Variants in BABAM2 observed in about 807,000 individuals in gnomAD.
BABAM2 encodes BRISC and BRCA1 A complex member 2, also known as BRISC and BRCA1-A complex member 2.
Under a neutral mutation model 54.7 loss-of-function variants are expected in BABAM2, and 31 were observed. The observed-to-expected ratio is 0.57, with a 90% CI of 0.43 to 0.77. BABAM2 has a LOEUF of 0.77. Ranked by LOEUF, BABAM2 falls within the 30% of genes least tolerant of loss-of-function variation. The probability of loss-of-function intolerance (pLI) is 0.00; values close to 1 mark genes in which losing one functional copy is unlikely to be tolerated. For missense variants in BABAM2, 364 were observed against 455.8 expected, an observed-to-expected ratio of 0.80 and a Z score of 1.83; for synonymous variants, 167 against 162.9, an observed-to-expected ratio of 1.03 and a Z score of -0.19.
At chr2:27,902,951 G>A (rs1428671219) in intron 2 of BABAM2, among the ~76,000 whole-genome samples, 2 of 151,924 alleles carry the variant, frequency 1.3e-5, no homozygotes, top group Non-Finnish European at 2.9e-5. Flanking sequence ...GAGAGAAAGA[G>A]AGTTTTAAGA....
intron 6 of BABAM2, among the ~76,000 whole-genome samples, chr2:28,109,257 T>G (rs1166296443): frequency 1.3e-5 from 2 of 149,972 alleles, no homozygotes; most frequent in African/African-American, 2.5e-5. Flanking sequence ...GATGTGATCT[T>G]GGCTCACCGC....
intron 11 of BABAM2, among the ~76,000 whole-genome samples, chr2:28,303,112 G>A (rs981539535): frequency 1.3e-5 from 2 of 151,818 alleles, no homozygotes; most frequent in Non-Finnish European, 2.9e-5. Flanking sequence ...TCCTCCCGCC[G>A]CAGCCTCCCA....
intron 2 of BABAM2, among the ~76,000 whole-genome samples, chr2:27,900,294 T>C (rs1665678577): frequency 1.3e-5 from 2 of 151,966 alleles, no homozygotes; most frequent in South Asian, 4.1e-4. Context: ...CTTGAAGAGA[T>C]AAGGTCTAAG....
chr2:27,928,985 G>C (rs1667909236), intron 2 of BABAM2, among the ~76,000 whole-genome samples: 1 of 151,142 alleles, frequency 6.6e-6, no homozygotes, highest in Non-Finnish European at 1.5e-5. Flanking sequence ...AGGCTAGGTG[G>C]GAGGAGGATC....
chr2:27,903,814 TAGA>T (rs1665993600), intron 2 of BABAM2, among the ~76,000 whole-genome samples: 2 of 152,242 alleles, frequency 1.3e-5, no homozygotes, highest in African/African-American at 2.4e-5. Context: ...ATTTCATGGA[TAGA>T]AGATTTGTTC....
chr2:27,894,404 C>T, intron 1 of BABAM2, 129 bp from the exon 2 acceptor site: 8 of 911,504 alleles, frequency 8.8e-6, no homozygotes, highest in South Asian at 3.3e-5. Flanking sequence ...GAAGAGGCTG[C>T]GCTAGAGATG....
intron 5 of BABAM2, 99 bp downstream of exon 5, chr2:28,025,519 A>T: frequency 1.7e-6 from 2 of 1,198,770 alleles, no homozygotes; most frequent in Non-Finnish European, 2.3e-6. Context: ...CTTTAGATAA[A>T]CATGGTCCAG....
intron 4 of BABAM2, among the ~76,000 whole-genome samples, chr2:27,997,010 A>C (rs1322658622): frequency 6.6e-6 from 1 of 152,214 alleles, no homozygotes; most frequent in African/African-American, 2.4e-5. Context: ...TTTCAAAGCA[A>C]AAGTACAAAA....
chr2:28,279,160 G>T (rs566445511), intron 10 of BABAM2, among the ~76,000 whole-genome samples: 1 of 152,302 alleles, frequency 6.6e-6, no homozygotes, highest in South Asian at 2.1e-4. Context: ...CTTCCTCTGA[G>T]CAAAGAGGTT....
At chr2:28,145,456 C>T (rs1469666881) in intron 7 of BABAM2, among the ~76,000 whole-genome samples, 3 of 152,212 alleles carry the variant, frequency 2.0e-5, no homozygotes, top group Non-Finnish European at 4.4e-5. Context: ...AAGGAAAATA[C>T]ACTGTAGCAG....
At chr2:27,983,277 C>G (rs183349131) in intron 3 of BABAM2, among the ~76,000 whole-genome samples, 1 of 152,108 alleles carries the variant, frequency 6.6e-6, no homozygotes, top group East Asian at 1.9e-4. Flanking sequence ...AATCAGTAGG[C>G]CATAAATTTG....
At chr2:27,893,191 T>A (rs1203276155) in intron 1 of BABAM2, among the ~76,000 whole-genome samples, 2 of 152,212 alleles carry the variant, frequency 1.3e-5, no homozygotes, top group African/African-American at 2.4e-5. Context: ...ATCATTTGAA[T>A]CGACTTTTTC....
At chr2:28,026,822 T>C (rs1442093406) in intron 5 of BABAM2, among the ~76,000 whole-genome samples, 5 of 77,180 alleles carry the variant, frequency 6.5e-5, no homozygotes, top group African/African-American at 3.3e-4. Flanking sequence ...AAATATATAT[T>C]TATATATATA....
chr2:28,148,293 C>G (rs543439184), intron 7 of BABAM2, among the ~76,000 whole-genome samples: 103 of 152,284 alleles, frequency 6.8e-4, no homozygotes, highest in African/African-American at 2.4e-3. Context: ...TGCTTTGGTG[C>G]CACAATAAGG....
At chr2:28,029,071 C>T (rs761446813) in intron 5 of BABAM2, among the ~76,000 whole-genome samples, 6 of 152,092 alleles carry the variant, frequency 3.9e-5, no homozygotes, top group Admixed American at 2.0e-4. Flanking sequence ...CTGGCCTCTT[C>T]GGCTTTTTCT....
chr2:28,032,144 G>T (rs952107667), intron 5 of BABAM2, among the ~76,000 whole-genome samples: 2 of 152,168 alleles, frequency 1.3e-5, no homozygotes, highest in African/African-American at 4.8e-5. Context: ...GACTAGGAAT[G>T]ATTATTTAAT....
chr2:27,961,032 A>T (rs944236254), intron 3 of BABAM2, among the ~76,000 whole-genome samples: 2 of 152,142 alleles, frequency 1.3e-5, no homozygotes, highest in Admixed American at 6.5e-5. Flanking sequence ...TAAACTGAAA[A>T]ACTTCCATTA....
At chr2:27,967,804 T>C (rs1267708235) in intron 3 of BABAM2, among the ~76,000 whole-genome samples, 1 of 152,228 alleles carries the variant, frequency 6.6e-6, no homozygotes, top group Admixed American at 6.5e-5. Flanking sequence ...TGTTATGTTT[T>C]AGCAAAGAGA....
intron 6 of BABAM2, among the ~76,000 whole-genome samples, chr2:28,094,325 C>T (rs1206582888): frequency 1.3e-5 from 2 of 152,064 alleles, no homozygotes; most frequent in African/African-American, 4.8e-5. Flanking sequence ...GTACTCAATA[C>T]ATCTTTATTG....
Sources: allele counts gnomAD v4.1 joint callset (sites outside exome capture counted in the v4.1 genomes callset), GRCh38; gene constraint gnomAD v4.1.1; transcripts MANE v1.5; gene names NCBI Gene and HGNC (gene_info 2026-07-23, HGNC 2026-07-21).